Variants in PLXNA2 observed in about 807,000 individuals in gnomAD.
The protein encoded by PLXNA2 is plexin A2, also known as plexin-A2.
In PLXNA2, 91 loss-of-function variants were observed where a neutral mutation model predicts 193.5. The ratio of observed to expected loss-of-function variants is 0.47; its 90% CI spans 0.40 to 0.56. PLXNA2 has a LOEUF of 0.56. Ranked by LOEUF, PLXNA2 falls within the 20% of genes least tolerant of loss-of-function variation. The probability of loss-of-function intolerance (pLI) is 0.00; values close to 1 mark genes in which losing one functional copy is unlikely to be tolerated. For synonymous variants in PLXNA2, 997 were observed against 1,027.3 expected (o/e 0.97, Z 0.56); for missense variants, 1,995 against 2,503.2 (o/e 0.80, Z 4.33).
chr1:208,091,599 G>T (rs780874655), intron 9 of PLXNA2, among the ~76,000 whole-genome samples: 11 of 152,274 alleles, frequency 7.2e-5, no homozygotes, highest in African/African-American at 2.6e-4. Context: ...TAGGCCGGGC[G>T]GAGTGGCTCA....
chr1:208,072,975 T>C (rs1666022155), intron 12 of PLXNA2, among the ~76,000 whole-genome samples: 1 of 152,170 alleles, frequency 6.6e-6, no homozygotes, highest in South Asian at 2.1e-4. Flanking sequence ...TCCATCCCCC[T>C]CACCATGGTG....
At chr1:208,198,206 G>A (rs986619057) in intron 3 of PLXNA2, among the ~76,000 whole-genome samples, 11 of 152,154 alleles carry the variant, frequency 7.2e-5, no homozygotes, top group South Asian at 4.1e-4. Context: ...AGCAGTGGTC[G>A]GCTGTTAACT....
intron 3 of PLXNA2, among the ~76,000 whole-genome samples, chr1:208,185,646 G>T (rs11119000): frequency 8.5e-6 from 1 of 117,884 alleles, no homozygotes; most frequent in African/African-American, 3.2e-5. Context: ...AACACAACTC[G>T]ATTTCCTGAA....
In PLXNA2 at chr1:208,121,011, A is replaced by T. The variant is rs1007295175; in HGVS notation, c.1507-17764T>A. Among the ~76,000 whole-genome samples, 3 of 152,308 alleles carry T rather than the reference A, an allele frequency of 2.0e-5. No individual in the cohort carries two copies. In the East Asian group the frequency reaches 5.8e-4, roughly 29 times the overall value. On this transcript the variant is annotated intron_variant, in intron 4 of 31. Transcript: ENST00000367033. ...AGCGAAGGACACAATATGGGATGTCACCCATGTAGATTTCCTTTGTTACTC... is the reference window on the plus strand; with the variant it reads ...AGCGAAGGACACAATATGGGATGTCTCCCATGTAGATTTCCTTTGTTACTC...
Position 208,218,020 on chromosome 1 carries a change from G to T in PLXNA2, c.-80-18C>A. 1 of 1,541,710 alleles carries T rather than the reference G, an allele frequency of 6.5e-7. No individual in the cohort carries two copies. The highest frequency in any genetic ancestry group is 1.9e-5 in the Admixed American group (1 of 51,440). ...ACATGATTCTGCAAAACACAAGGCAGAGTGGTCAGACCAAAAATAATTTCC... is the reference window on the plus strand; with the variant it reads ...ACATGATTCTGCAAAACACAAGGCATAGTGGTCAGACCAAAAATAATTTCC... On this transcript the variant is annotated intron_variant, in intron 1 of 31. Transcript: ENST00000367033.
At chr1:208,036,394 C>T (rs1404667688) in intron 26 of PLXNA2, among the ~76,000 whole-genome samples, 1 of 152,212 alleles carries the variant, frequency 6.6e-6, no homozygotes, top group East Asian at 1.9e-4. Flanking sequence ...TCTGTCTTAA[C>T]CAACAGGTGG....
At chr1:208,080,846 G>A (rs887609597) in intron 11 of PLXNA2, among the ~76,000 whole-genome samples, 1 of 152,164 alleles carries the variant, frequency 6.6e-6, no homozygotes. Flanking sequence ...GGATGTAAAG[G>A]GGAACAGTCA....
At chr1:208,214,058 A>G (rs971677809) in intron 2 of PLXNA2, among the ~76,000 whole-genome samples, 5 of 152,002 alleles carry the variant, frequency 3.3e-5, no homozygotes, top group Non-Finnish European at 7.4e-5. Context: ...TTTAACCCTT[A>G]CGGAGGGTTA....
chr1:208,032,788 T>C (rs144662047), intron 28 of PLXNA2, among the ~76,000 whole-genome samples: 574 of 152,296 alleles, frequency 3.8e-3, no homozygotes, highest in African/African-American at 0.013. Context: ...TCCCTCCCAT[T>C]GTGGCCAGAA....
At chr1:208,113,550 T>TTC (rs1169299157) in intron 4 of PLXNA2, among the ~76,000 whole-genome samples, 1 of 144,540 alleles carries the variant, frequency 6.9e-6, no homozygotes, top group East Asian at 2.0e-4. Context: ...CTCTCTCTTT[T>TTC]TTTTTTTTTT....
At position 208,236,155 on chromosome 1, in the gene PLXNA2, C is replaced by CG. The variant is rs1296051753; in HGVS notation, c.-81+7487dup. On this transcript the variant is annotated intron_variant, in intron 1 of 31. Transcript: ENST00000367033. This position sits in a 1 kb window ranked among gnomAD's most constrained non-coding sequence, Gnocchi z 4.4. ...TCACGAGGGGCCTCCTGCCTGTGGA[C>CG]GGGGAAGGAGCCTGGGTCTTCCTGT... Among the ~76,000 whole-genome samples the CG allele has an allele frequency of 2.0e-5, 3 of 152,074 alleles. No homozygotes were observed. Among genetic ancestry groups the CG allele is most frequent in the Admixed American group, 1.3e-4 (2 of 15,268 alleles).
At chr1:208,137,540 G>A (rs1571957062) in intron 4 of PLXNA2, among the ~76,000 whole-genome samples, 1 of 152,280 alleles carries the variant, frequency 6.6e-6, no homozygotes, top group South Asian at 2.1e-4. Flanking sequence ...CAACTTGTAT[G>A]CATGCCCATA....
intron 4 of PLXNA2, among the ~76,000 whole-genome samples, chr1:208,134,056 G>A (rs1026387163): frequency 1.3e-5 from 2 of 152,130 alleles, no homozygotes; most frequent in African/African-American, 4.8e-5. Context: ...CCCATTTAGA[G>A]AAATGAGGTT....
rs751564370 is a variant in PLXNA2 at position 208,051,363 on chromosome 1, G to C, written c.3054C>G (p.Val1018=). The change falls in exon 16 of 32, where the codon GTC becomes GTG. Residue 1018 remains valine, a synonymous_variant. Transcript: ENST00000367033. The part of the protein sequence containing the change: ...SPPSSNGLGP[V]PVSVSVDRAH... ...CTCGGTCGACACTCACAGAAACAGG[G>C]ACCGGGCCAAGGCCATTGGATGATG... 1 of 1,613,336 alleles carries C rather than the reference G, an allele frequency of 6.2e-7. No individual in the cohort carries two copies. Among genetic ancestry groups the C allele is most frequent in the Non-Finnish European group, 8.5e-7 (1 of 1,179,846 alleles).
chr1:208,171,733 G>C (rs1011001952), intron 3 of PLXNA2, among the ~76,000 whole-genome samples: 3 of 152,052 alleles, frequency 2.0e-5, no homozygotes, highest in Admixed American at 6.5e-5. Flanking sequence ...GCATGCGCCT[G>C]TAGTCCCAGC....
rs11286790 is a variant in PLXNA2, at chr1:208,199,689, CAA to C, written c.1371+10589_1371+10590del. Among the ~76,000 whole-genome samples the C allele has an allele frequency of 1.3e-3, 177 of 140,742 alleles. 8 individuals are homozygous for C. The South Asian group carries it at 0.037, about 29-fold the overall frequency. 92.3% of individuals were successfully genotyped at this position (140,742 alleles called of 152,430 possible). A position where few individuals can be genotyped will look rare whatever the true frequency, so the allele number is the denominator to read the frequency against. ...CTGGTGACAAAGTGAGACTCTGTCT[CAA>C]AAAAAAAAAGAAAAAAAAAAGTCCT... On this transcript the variant is annotated intron_variant, in intron 3 of 31. Coordinates refer to ENST00000367033, the MANE Select transcript of PLXNA2 (RefSeq NM_025179.4).
At chr1:208,185,061 A>T (rs1408799212) in intron 3 of PLXNA2, among the ~76,000 whole-genome samples, 5 of 152,126 alleles carry the variant, frequency 3.3e-5, no homozygotes, top group African/African-American at 1.2e-4. Flanking sequence ...ATTGGCCCAT[A>T]AGGAATCCCT....
Position 208,084,571 on chromosome 1 carries a change from G to T in PLXNA2, c.2107C>A (p.Gln703Lys). Residue 703 changes from glutamine (Q) to lysine (K), a missense_variant, in exon 10 of 32, where the codon CAG (glutamine) becomes AAG (lysine). Coordinates refer to ENST00000367033, the MANE Select transcript of PLXNA2 (RefSeq NM_025179.4). ...AAGATCTCCTCTGTGGGCACCAGCT[G>T]GGGACAGTCCTGGGGGAACAAACGA... The part of the protein sequence containing the change: ...GRINISEDCP[Q>K]LVPTEEILIP... 6.2e-7 allele frequency: 1 copy of T among 1,614,192 alleles called. No homozygotes were observed.
At chr1:208,134,830 G>C (rs536466711) in intron 4 of PLXNA2, among the ~76,000 whole-genome samples, 1 of 152,204 alleles carries the variant, frequency 6.6e-6, no homozygotes, top group Non-Finnish European at 1.5e-5. Flanking sequence ...ATGAGCAGGG[G>C]ACATCTGGAA....
Sources: gnomAD v4.1 joint callset for allele counts (sites outside exome capture counted in the v4.1 genomes callset) on GRCh38, gnomAD v4.1.1 for gene constraint, Gnocchi (gnomAD v3.1) non-coding constraint, MANE v1.5 for transcripts, NCBI Gene and HGNC (gene_info 2026-07-23, HGNC 2026-07-21) for gene names.